Variants in ST18 observed in about 807,000 individuals in gnomAD.
The protein encoded by ST18 is suppression of tumorigenicity 18 protein.
ST18 carries 50 observed loss-of-function variants against 110.0 expected under a neutral mutation model. The ratio of observed to expected loss-of-function variants is 0.45; its 90% CI spans 0.36 to 0.58. ST18 has a LOEUF of 0.58. Among genes scored for constraint, ST18 ranks in the 20% least tolerant of loss-of-function variants. The probability of loss-of-function intolerance (pLI) is 0.00; values close to 1 mark genes in which losing one functional copy is unlikely to be tolerated. For missense variants in ST18, 1,306 were observed against 1,280.1 expected, an observed-to-expected ratio of 1.02 and a Z score of -0.31; for synonymous variants, 461 against 452.4, an observed-to-expected ratio of 1.02 and a Z score of -0.24.
At chr8:52,342,406 C>T (rs1815512236) in intron 2 of ST18, among the ~76,000 whole-genome samples, 1 of 152,148 alleles carries the variant, frequency 6.6e-6, no homozygotes, top group African/African-American at 2.4e-5. Flanking sequence ...ATCTAGGAGA[C>T]CAACTGCTGT....
intron 2 of ST18, among the ~76,000 whole-genome samples, chr8:52,303,652 T>C (rs1589750662): frequency 6.6e-6 from 1 of 152,174 alleles, no homozygotes. Flanking sequence ...TCTGTGATGT[T>C]CCTGCCAAAG....
intron 2 of ST18, among the ~76,000 whole-genome samples, chr8:52,350,879 C>T (rs548416813): frequency 1.3e-5 from 2 of 152,036 alleles, no homozygotes; most frequent in Non-Finnish European, 2.9e-5. Flanking sequence ...TGCCACCACG[C>T]CCAGCTAATT....
At chr8:52,180,038 A>G in intron 9 of ST18, 84 bp downstream of exon 9, 8 of 1,396,136 alleles carry the variant, frequency 5.7e-6, no homozygotes, top group Non-Finnish European at 7.9e-6. Flanking sequence ...CATACAAACC[A>G]TACAAACCAC....
intron 7 of ST18, among the ~76,000 whole-genome samples, chr8:52,213,228 G>T (rs1179140579): frequency 6.6e-6 from 1 of 152,078 alleles, no homozygotes; most frequent in African/African-American, 2.4e-5. Flanking sequence ...TGATAACCAT[G>T]GTTATATTGT....
At chr8:52,342,589 G>A (rs914824762) in intron 2 of ST18, among the ~76,000 whole-genome samples, 9 of 152,198 alleles carry the variant, frequency 5.9e-5, no homozygotes, top group Non-Finnish European at 1.3e-4. Flanking sequence ...CAGCTGGGCA[G>A]CACATATCAA....
rs1182054243 is a variant in ST18, at chr8:52,170,495, T to TAAAA, written c.1069+1293_1069+1296dup. Among the ~76,000 whole-genome samples, 7 of 149,352 alleles carry TAAAA rather than the reference T, an allele frequency of 4.7e-5. No individual in the cohort carries two copies. The East Asian group carries it at 5.8e-4, about 12-fold the overall frequency. ...ATAAATAAATAAATAAATAAATAAA[T>TAAAA]AAAAATGGAGAAATGATATCTCTTA... On this transcript the variant is annotated intron_variant, in intron 10 of 25. Coordinates refer to ENST00000689386, the MANE Select transcript of ST18 (RefSeq NM_001352837.2).
At chr8:52,276,128 C>CCA (rs1391519426) in intron 2 of ST18, among the ~76,000 whole-genome samples, 1 of 11,168 alleles carries the variant, frequency 9.0e-5, no homozygotes, top group Non-Finnish European at 2.3e-4. Flanking sequence ...CTATCACATA[C>CCA]CACACACACA....
intron 2 of ST18, among the ~76,000 whole-genome samples, chr8:52,368,959 G>A (rs1829217742): frequency 6.6e-6 from 1 of 152,034 alleles, no homozygotes; most frequent in Admixed American, 6.6e-5. Flanking sequence ...TTCCACTGTT[G>A]AGAAACCATC....
At chr8:52,241,073 A>G (rs1469056297) in intron 2 of ST18, among the ~76,000 whole-genome samples, 7 of 152,238 alleles carry the variant, frequency 4.6e-5, no homozygotes, top group African/African-American at 1.7e-4. Context: ...CCAAACCAGA[A>G]GCCTGTCATT....
chr8:52,133,748 T>C (rs960007934), intron 19 of ST18, among the ~76,000 whole-genome samples: 8 of 151,114 alleles, frequency 5.3e-5, no homozygotes, highest in African/African-American at 1.5e-4. Context: ...ATTGTTATTA[T>C]TGAGACAAAG....
chr8:52,370,269 A>G (rs1427404013), intron 2 of ST18, among the ~76,000 whole-genome samples: 1 of 152,242 alleles, frequency 6.6e-6, no homozygotes, highest in African/African-American at 2.4e-5. Context: ...GGGCCAAAGT[A>G]GGTTAAGCTC....
chr8:52,114,990 C>G (rs1006847148), intron 25 of ST18, among the ~76,000 whole-genome samples: 6 of 152,140 alleles, frequency 3.9e-5, no homozygotes, highest in African/African-American at 1.4e-4. Context: ...ATGATTTACG[C>G]AACATTCATA....
chr8:52,276,335 C>A (rs1277138069), intron 2 of ST18, among the ~76,000 whole-genome samples: 1 of 149,738 alleles, frequency 6.7e-6, no homozygotes, highest in African/African-American at 2.5e-5. Context: ...GCACCTCACA[C>A]ATACACATCA....
intron 2 of ST18, among the ~76,000 whole-genome samples, chr8:52,293,063 T>C (rs2095579918): frequency 6.6e-6 from 1 of 152,246 alleles, no homozygotes; most frequent in African/African-American, 2.4e-5. Context: ...TTGAATTCTA[T>C]GTGTGTGGAT....
intron 2 of ST18, among the ~76,000 whole-genome samples, chr8:52,364,223 A>G (rs1255464298): frequency 6.6e-6 from 1 of 152,106 alleles, no homozygotes; most frequent in Non-Finnish European, 1.5e-5. Context: ...TGTATTTCTT[A>G]TTTTATAGCT....
At chr8:52,281,670 C>T (rs1469334172) in intron 2 of ST18, among the ~76,000 whole-genome samples, 1 of 152,164 alleles carries the variant, frequency 6.6e-6, no homozygotes, top group East Asian at 1.9e-4. Context: ...CAAAGCTAAA[C>T]ATCCTGAATG....
At chr8:52,333,421 T>C (rs765330307) in intron 2 of ST18, among the ~76,000 whole-genome samples, 1 of 152,114 alleles carries the variant, frequency 6.6e-6, no homozygotes, top group Non-Finnish European at 1.5e-5. Context: ...GTCAGACACA[T>C]TTTCTTACCT....
At chr8:52,206,070 T>C (rs962659441) in intron 8 of ST18, among the ~76,000 whole-genome samples, 7 of 152,146 alleles carry the variant, frequency 4.6e-5, no homozygotes, top group Admixed American at 1.3e-4. Context: ...AGGTGCGGGG[T>C]CTGGACTGGA....
At chr8:52,201,149 G>A (rs2077814303) in intron 8 of ST18, 1 of 152,374 alleles carries the variant, frequency 6.6e-6, no homozygotes, top group Non-Finnish European at 1.5e-5. Flanking sequence ...GAGGAAACCA[G>A]GGAGGTTGCA....
Sources: gnomAD v4.1 joint callset for allele counts (sites outside exome capture counted in the v4.1 genomes callset) on GRCh38, gnomAD v4.1.1 for gene constraint, MANE v1.5 for transcripts, NCBI Gene and HGNC (gene_info 2026-07-23, HGNC 2026-07-21) for gene names.